Variants in CTNNBIP1 observed in about 807,000 individuals in gnomAD.
CTNNBIP1 encodes the protein beta-catenin-interacting protein 1.
A neutral mutation model predicts 11.8 loss-of-function variants in CTNNBIP1; 7 were observed. The ratio of observed to expected loss-of-function variants is 0.60; its 90% CI spans 0.34 to 1.12. CTNNBIP1 has a LOEUF of 1.12. Among genes scored for constraint, CTNNBIP1 ranks in the 50% most tolerant of loss-of-function variants. CTNNBIP1 has a pLI of 0.03. For synonymous variants in CTNNBIP1, 58 were observed against 43.9 expected (o/e 1.32, Z -1.26); for missense variants, 101 against 113.4 (o/e 0.89, Z 0.50).
intron 5 of CTNNBIP1, among the ~76,000 whole-genome samples, chr1:9,864,530 A>C (rs13376051): frequency 6.6e-6 from 1 of 152,226 alleles, no homozygotes; most frequent in African/African-American, 2.4e-5. Context: ...GAGTTTCACC[A>C]TGTTAGCCAG....
chr1:9,903,032 TG>T (rs1270915481), intron 1 of CTNNBIP1, among the ~76,000 whole-genome samples: 1 of 152,252 alleles, frequency 6.6e-6, no homozygotes, highest in Non-Finnish European at 1.5e-5. Flanking sequence ...CCCAAAGTGC[TG>T]GGATTACAGG....
chr1:9,870,605 G>A (rs1638840798), intron 5 of CTNNBIP1, among the ~76,000 whole-genome samples: 1 of 152,194 alleles, frequency 6.6e-6, no homozygotes, highest in Non-Finnish European at 1.5e-5. Flanking sequence ...AAACAACGGT[G>A]CCTGCTACAC....
chr1:9,905,766 G>C (rs1007210393), intron 1 of CTNNBIP1, among the ~76,000 whole-genome samples: 5 of 152,026 alleles, frequency 3.3e-5, no homozygotes, highest in African/African-American at 1.2e-4. Context: ...TCGTTTATTT[G>C]TTTACTATCT....
chr1:9,858,470 C>T (rs983518764), intron 5 of CTNNBIP1, among the ~76,000 whole-genome samples: 3 of 152,164 alleles, frequency 2.0e-5, no homozygotes, highest in African/African-American at 2.4e-5. Context: ...GGCCCCTGGC[C>T]ATCCTTCAAG....
intron 5 of CTNNBIP1, among the ~76,000 whole-genome samples, chr1:9,869,934 C>T (rs1252086076): frequency 6.6e-6 from 1 of 152,240 alleles, no homozygotes; most frequent in Admixed American, 6.5e-5. Flanking sequence ...ATAGAACAGG[C>T]TGCCGCATGA....
At chr1:9,857,352 C>T (rs1188267151) in intron 5 of CTNNBIP1, among the ~76,000 whole-genome samples, 7 of 150,992 alleles carry the variant, frequency 4.6e-5, no homozygotes, top group Non-Finnish European at 4.4e-5. Flanking sequence ...TGGTGGCGGG[C>T]GCCTGTAGTC....
chr1:9,855,254 C>CTT (rs1638477053), intron 5 of CTNNBIP1, among the ~76,000 whole-genome samples: 1 of 129,450 alleles, frequency 7.7e-6, no homozygotes, highest in African/African-American at 3.4e-5. Context: ...GTAAAAATTG[C>CTT]CTTTTTTTTT....
At chr1:9,863,160 T>A (rs1214700626) in intron 5 of CTNNBIP1, among the ~76,000 whole-genome samples, 3 of 152,206 alleles carry the variant, frequency 2.0e-5, no homozygotes, top group African/African-American at 7.2e-5. Flanking sequence ...CAGCTGGCCC[T>A]GCACTTCAGC....
chr1:9,872,896 C>G lies in CTNNBIP1; in HGVS notation c.-24-808G>C, dbSNP rs1420615713. ...AGGGGCTTGGGTTACACACTGGTAA[C>G]TCCTGGATGAGTCAGAAATAACGCA... is the stretch of plus-strand genomic sequence containing the variant. On this transcript the variant is annotated intron_variant, in intron 3 of 5. Transcript: ENST00000377263. This position sits in a 1 kb window ranked among gnomAD's most constrained non-coding sequence, Gnocchi z 4.0. Among the ~76,000 whole-genome samples, 7 of 152,134 alleles carry G rather than the reference C, an allele frequency of 4.6e-5. No homozygotes were observed.
At position 9,851,432 on chromosome 1, in the gene CTNNBIP1, A is replaced by G. The variant is rs1638383268; in HGVS notation, c.188-656T>C. ...ATCACCCAGGCTGGAGTATAGTGGC[A>G]CAATCTCGGCTCACTGCATCCTCTG... On this transcript the variant is annotated intron_variant, in intron 5 of 5. Transcript: ENST00000377263. This position sits in a 1 kb window ranked among gnomAD's most constrained non-coding sequence, Gnocchi z 4.8. Among the ~76,000 whole-genome samples, 3 of 151,874 alleles carry G rather than the reference A, an allele frequency of 2.0e-5. No individual in the cohort carries two copies. Among genetic ancestry groups the G allele is most frequent in the Admixed American group, 2.0e-4 (3 of 15,228 alleles).
intron 1 of CTNNBIP1, among the ~76,000 whole-genome samples, chr1:9,904,207 A>G (rs1314329246): frequency 6.6e-6 from 1 of 152,228 alleles, no homozygotes; most frequent in Non-Finnish European, 1.5e-5. Flanking sequence ...CAGGCATTTC[A>G]GATTCTGCCA....
At chr1:9,863,367 G>T (rs1448406548) in intron 5 of CTNNBIP1, among the ~76,000 whole-genome samples, 1 of 152,192 alleles carries the variant, frequency 6.6e-6, no homozygotes, top group Non-Finnish European at 1.5e-5. Context: ...TCATAGACTA[G>T]AATTCTCCCT....
At chr1:9,865,476 C>A (rs572123040) in intron 5 of CTNNBIP1, among the ~76,000 whole-genome samples, 1 of 151,700 alleles carries the variant, frequency 6.6e-6, no homozygotes, top group Non-Finnish European at 1.5e-5. Flanking sequence ...TGGTGGCGGG[C>A]GCCTGTAGTC....
chr1:9,858,215 G>C (rs1339253276), intron 5 of CTNNBIP1, among the ~76,000 whole-genome samples: 6 of 152,222 alleles, frequency 3.9e-5, no homozygotes, highest in Admixed American at 2.0e-4. Context: ...ACCTCCTCTC[G>C]CTGGCCCCTG....
chr1:9,865,253 G>A (rs188302793), intron 5 of CTNNBIP1, among the ~76,000 whole-genome samples: 2 of 148,918 alleles, frequency 1.3e-5, no homozygotes, highest in Middle Eastern at 3.8e-3. Flanking sequence ...AAGTTTTATT[G>A]GAAATTATTT....
chr1:9,889,727 G>C (rs1407803134), intron 1 of CTNNBIP1, among the ~76,000 whole-genome samples: 1 of 152,162 alleles, frequency 6.6e-6, no homozygotes, highest in Non-Finnish European at 1.5e-5. Context: ...GTGGTTTTAA[G>C]GCCTTTATAG....
chr1:9,881,329 ATTTTTTTTTTT>A (rs60318288), intron 2 of CTNNBIP1, among the ~76,000 whole-genome samples: 2 of 49,488 alleles, frequency 4.0e-5, no homozygotes, highest in East Asian at 7.0e-4. Flanking sequence ...CAGCCTTGAA[ATTTTTTTTTTT>A]TTTTTTTTTT....
At position 9,871,933 on chromosome 1, in the gene CTNNBIP1, T is replaced by C. The variant is rs374504447; in HGVS notation, c.96+36A>G. On this transcript the variant is annotated intron_variant, in intron 4 of 5. Coordinates refer to ENST00000377263, the MANE Select transcript of CTNNBIP1 (RefSeq NM_020248.3). This position sits in a 1 kb window ranked among gnomAD's most constrained non-coding sequence, Gnocchi z 5.2. ...GGGCCCCTCCCTGGGAGACCCTCCCTGGGGGCCCGCTGCCTGACACCCCAC... is the reference window on the plus strand; with the variant it reads ...GGGCCCCTCCCTGGGAGACCCTCCCCGGGGGCCCGCTGCCTGACACCCCAC... 3 of 1,576,332 alleles carry C rather than the reference T, an allele frequency of 1.9e-6. No individual in the cohort carries two copies. Among genetic ancestry groups the C allele is most frequent in the Non-Finnish European group, 2.6e-6 (3 of 1,145,684 alleles).
chr1:9,863,506 T>C (rs1054327118), intron 5 of CTNNBIP1, among the ~76,000 whole-genome samples: 3 of 151,994 alleles, frequency 2.0e-5, no homozygotes, highest in Non-Finnish European at 2.9e-5. Flanking sequence ...ACCGGGCCAG[T>C]GCAAAGGAGG....
Sources: gnomAD v4.1 joint callset for allele counts (sites outside exome capture counted in the v4.1 genomes callset) on GRCh38, gnomAD v4.1.1 for gene constraint, Gnocchi (gnomAD v3.1) non-coding constraint, MANE v1.5 for transcripts, NCBI Gene and HGNC (gene_info 2026-07-23, HGNC 2026-07-21) for gene names.